The following STK32B variants were observed in gnomAD, a reference collection of about 807,000 sequenced individuals.
STK32B encodes the protein serine/threonine kinase 32B, also known as serine/threonine-protein kinase 32B.
Under a neutral mutation model 52.6 loss-of-function variants are expected in STK32B, and 43 were observed. The ratio of observed to expected loss-of-function variants is 0.82; its 90% CI spans 0.64 to 1.05. STK32B has a LOEUF of 1.05. Among genes scored for constraint, STK32B ranks in the 50% least tolerant of loss-of-function variants. The probability of loss-of-function intolerance (pLI) is 0.00; values close to 1 mark genes in which losing one functional copy is unlikely to be tolerated. For missense variants in STK32B, 621 were observed against 534.6 expected, an observed-to-expected ratio of 1.16 and a Z score of -1.59; for synonymous variants, 238 against 204.3, an observed-to-expected ratio of 1.17 and a Z score of -1.41.
chr4:5,245,312 G>T (rs1446730745), intron 3 of STK32B, among the ~76,000 whole-genome samples: 1 of 152,162 alleles, frequency 6.6e-6, no homozygotes, highest in Non-Finnish European at 1.5e-5. Context: ...GTGTTGAATT[G>T]ATCCCTTTAC....
intron 1 of STK32B, among the ~76,000 whole-genome samples, chr4:5,075,045 C>A (rs555101864): frequency 6.6e-6 from 1 of 152,158 alleles, no homozygotes; most frequent in Non-Finnish European, 1.5e-5. Flanking sequence ...AGTTTCACCC[C>A]ATTCATGCCC....
chr4:5,492,636 G>A (rs1260519167), intron 11 of STK32B, among the ~76,000 whole-genome samples: 1 of 150,162 alleles, frequency 6.7e-6, no homozygotes, highest in Middle Eastern at 3.4e-3. Flanking sequence ...GTGAGAGAGG[G>A]CATCCCTGTC....
intron 3 of STK32B, among the ~76,000 whole-genome samples, chr4:5,286,265 A>G (rs112176707): frequency 6.6e-6 from 1 of 152,202 alleles, no homozygotes; most frequent in Non-Finnish European, 1.5e-5. Flanking sequence ...GAGCCACAAA[A>G]CTAGACTTCT....
chr4:5,253,036 A>C (rs1217794193), intron 3 of STK32B, among the ~76,000 whole-genome samples: 1 of 152,112 alleles, frequency 6.6e-6, no homozygotes, highest in Non-Finnish European at 1.5e-5. Flanking sequence ...TTGTGGCCCC[A>C]AAAGATCTAT....
rs1220224399 is a variant in STK32B, at chr4:5,181,250, G to A, written c.260+12800G>A. Among the ~76,000 whole-genome samples, 2 of 151,920 alleles carry A rather than the reference G, an allele frequency of 1.3e-5. 1 individual carries two copies. The highest frequency in any genetic ancestry group is 1.3e-4 in the Admixed American group (2 of 15,220). The stretch of plus-strand genomic sequence containing the variant: ...ACAGGATCTGTAAGAGGTAATTACA[G>A]CTGAATGAAGTCATAACAGTGAGGC... On this transcript the variant is annotated intron_variant, in intron 3 of 11. Transcript: ENST00000282908.
chr4:5,125,518 G>A (rs1447145178), intron 1 of STK32B, among the ~76,000 whole-genome samples: 3 of 152,182 alleles, frequency 2.0e-5, no homozygotes, highest in South Asian at 2.1e-4. Context: ...GTGGGTGGGC[G>A]TGGTGGACCA....
intron 4 of STK32B, among the ~76,000 whole-genome samples, chr4:5,354,326 C>CG (rs1442708356): frequency 6.6e-6 from 1 of 152,158 alleles, no homozygotes; most frequent in Non-Finnish European, 1.5e-5. Flanking sequence ...ACTGCAGTGG[C>CG]GCCATCTCAG....
chr4:5,455,648 T>A (rs1197214887), intron 7 of STK32B, among the ~76,000 whole-genome samples: 1 of 152,092 alleles, frequency 6.6e-6, no homozygotes, highest in Non-Finnish European at 1.5e-5. Flanking sequence ...GGGATCCCAG[T>A]ATGGCGTCTG....
intron 4 of STK32B, among the ~76,000 whole-genome samples, chr4:5,360,549 G>C (rs903534675): frequency 1.3e-5 from 2 of 152,146 alleles, no homozygotes; most frequent in Admixed American, 6.5e-5. Flanking sequence ...GAGATGTGGG[G>C]TGTTGGGGCC....
At chr4:5,348,614 A>G (rs1246199684) in intron 4 of STK32B, among the ~76,000 whole-genome samples, 2 of 152,120 alleles carry the variant, frequency 1.3e-5, no homozygotes, top group Admixed American at 1.3e-4. Context: ...CACACCCCCA[A>G]GTTGCCTGAT....
At chr4:5,174,510 C>G (rs1350208944) in intron 3 of STK32B, among the ~76,000 whole-genome samples, 2 of 152,190 alleles carry the variant, frequency 1.3e-5, no homozygotes, top group African/African-American at 2.4e-5. Context: ...GTGACAAAAT[C>G]TCTCAGCATT....
Position 5,341,171 on chromosome 4 carries a change from C to T in STK32B, c.434+9778C>T, listed in dbSNP as rs372775775. Among the ~76,000 whole-genome samples the T allele has an allele frequency of 8.5e-5, 13 of 152,308 alleles. No individual in the cohort carries two copies. The South Asian group carries it at 1.0e-3, about 12-fold the overall frequency. ...ATGGATTTCATCGACTCCTCACATC[C>T]GCCCCAGAGGAAGGCACTGTTACCA... On this transcript the variant is annotated intron_variant, in intron 4 of 11. Transcript: ENST00000282908.
At chr4:5,316,906 A>AT (rs1730924441) in intron 3 of STK32B, among the ~76,000 whole-genome samples, 1 of 23,754 alleles carries the variant, frequency 4.2e-5, no homozygotes, top group Non-Finnish European at 5.8e-5. Flanking sequence ...TATAATATAT[A>AT]ATATATATGA....
At chr4:5,130,282 G>A (rs770890292) in intron 1 of STK32B, among the ~76,000 whole-genome samples, 2 of 151,916 alleles carry the variant, frequency 1.3e-5, no homozygotes, top group Non-Finnish European at 2.9e-5. Flanking sequence ...TGCCTGGGCT[G>A]TGAGGCACAG....
intron 6 of STK32B, among the ~76,000 whole-genome samples, chr4:5,433,984 C>T (rs1321032643): frequency 1.3e-5 from 2 of 152,198 alleles, no homozygotes; most frequent in Non-Finnish European, 2.9e-5. Context: ...CCCTAATGCT[C>T]CTTGGCATCA....
At chr4:5,061,726 C>T (rs1742225811) in intron 1 of STK32B, among the ~76,000 whole-genome samples, 1 of 152,222 alleles carries the variant, frequency 6.6e-6, no homozygotes, top group Non-Finnish European at 1.5e-5. Flanking sequence ...TTCACACTTA[C>T]TGCTAGAATG....
intron 1 of STK32B, among the ~76,000 whole-genome samples, chr4:5,094,271 A>G (rs1050444433): frequency 6.6e-6 from 1 of 152,234 alleles, no homozygotes; most frequent in African/African-American, 2.4e-5. Flanking sequence ...TGACAATTTT[A>G]GAAAGAGGTT....
At chr4:5,215,341 T>C (rs1489829635) in intron 3 of STK32B, among the ~76,000 whole-genome samples, 3 of 152,288 alleles carry the variant, frequency 2.0e-5, no homozygotes, top group African/African-American at 7.2e-5. Context: ...GTCACTTCAA[T>C]CAGATATCAC....
rs142614620 is a variant in STK32B, at chr4:5,151,291, C to T, written c.108+11331C>T. Reference sequence around the variant, plus strand: ...TAATCACTGCCTTTCATAATAAATGCAGGTGAAGTCTACATGACTATTATT... The same window carrying T: ...TAATCACTGCCTTTCATAATAAATGTAGGTGAAGTCTACATGACTATTATT... On this transcript the variant is annotated intron_variant, in intron 2 of 11. Transcript: ENST00000282908. Among the ~76,000 whole-genome samples the T allele has an allele frequency of 2.6e-4, 39 of 152,256 alleles. No individual in the cohort carries two copies. In the East Asian group the frequency reaches 6.8e-3, roughly 26 times the overall value.
Sources: allele counts gnomAD v4.1 joint callset (sites outside exome capture counted in the v4.1 genomes callset), GRCh38; gene constraint gnomAD v4.1.1; transcripts MANE v1.5; gene names NCBI Gene and HGNC (gene_info 2026-07-23, HGNC 2026-07-21).